GAB2: variants seen among roughly 807,000 people sequenced by gnomAD.
GAB2 encodes the protein GRB2-associated-binding protein 2.
A neutral mutation model predicts 65.5 loss-of-function variants in GAB2; 26 were observed. The ratio of observed to expected loss-of-function variants is 0.40; its 90% CI spans 0.29 to 0.55. The LOEUF (loss-of-function observed/expected upper bound fraction) is 0.55. Ranked by LOEUF, GAB2 falls within the 20% of genes least tolerant of loss-of-function variation. GAB2 has a pLI of 0.53. For missense variants in GAB2, 884 were observed against 875.8 expected (o/e 1.01, Z -0.12); for synonymous variants, 321 against 329.6 (o/e 0.97, Z 0.28).
chr11:78,342,943 A>G (rs1856122759), intron 1 of GAB2, among the ~76,000 whole-genome samples: 1 of 152,318 alleles, frequency 6.6e-6, no homozygotes, highest in South Asian at 2.1e-4. Context: ...TACAAATAAA[A>G]GAGGCCCAGA....
intron 1 of GAB2, among the ~76,000 whole-genome samples, chr11:78,393,857 T>C (rs1378143093): frequency 1.3e-5 from 2 of 152,236 alleles, no homozygotes; most frequent in Non-Finnish European, 2.9e-5. Flanking sequence ...TGTAAGAGAA[T>C]GTTGAATGTG....
rs190411339 is a variant in GAB2 at position 78,254,754 on chromosome 11, G to A, written c.377-4354C>T. 1.3e-4 allele frequency among the ~76,000 whole-genome samples: 20 copies of A among 151,680 alleles called. No individual in the cohort carries two copies. In the East Asian group the frequency reaches 3.5e-3, roughly 26 times the overall value. The stretch of plus-strand genomic sequence containing the variant: ...ATTGAGGCTGCAGTGGGCTATGATC[G>A]CGCCACTGCAATCAGCCAAGATGAC... On this transcript the variant is annotated intron_variant, in intron 2 of 9. Transcript: ENST00000361507.
At chr11:78,285,516 G>C (rs190611002) in intron 1 of GAB2, among the ~76,000 whole-genome samples, 1 of 152,168 alleles carries the variant, frequency 6.6e-6, no homozygotes, top group Non-Finnish European at 1.5e-5. Flanking sequence ...ACCCAGGCTG[G>C]TGTGCAGTGG....
intron 1 of GAB2, among the ~76,000 whole-genome samples, chr11:78,285,616 T>C (rs1866457883): frequency 6.6e-6 from 1 of 152,162 alleles, no homozygotes; most frequent in Non-Finnish European, 1.5e-5. Context: ...TACAGGCGTG[T>C]GCCACTATGC....
At chr11:78,283,704 A>G (rs916405293) in intron 1 of GAB2, among the ~76,000 whole-genome samples, 12 of 151,962 alleles carry the variant, frequency 7.9e-5, no homozygotes, top group Non-Finnish European at 1.5e-4. Context: ...TCTCTCTCCA[A>G]CATCTGACAA....
intron 3 of GAB2, among the ~76,000 whole-genome samples, chr11:78,239,869 T>C (rs1865080188): frequency 6.6e-6 from 1 of 152,130 alleles, no homozygotes; most frequent in Non-Finnish European, 1.5e-5. Flanking sequence ...CATCTTGGAA[T>C]TGGAACTATG....
At position 78,225,028 on chromosome 11, in the gene GAB2, G is replaced by T. The variant is rs1457895975; in HGVS notation, c.1302+80C>A. ...ATGGAGACGCCATCAATCTTTTGGG[G>T]TTGTGCTTTTAATTCCATAAGGTGT... On this transcript the variant is annotated intron_variant, in intron 5 of 9. Transcript: ENST00000361507. The T allele has an allele frequency of 1.2e-5, 10 of 846,460 alleles. No homozygotes were observed. In the East Asian group the frequency reaches 2.4e-4, roughly 21 times the overall value. 52.4% of individuals were successfully genotyped at this position (846,460 alleles called of 1,614,324 possible). A position where few individuals can be genotyped will look rare whatever the true frequency, so the allele number is the denominator to read the frequency against.
chr11:78,381,727 T>G (rs1458345058), intron 1 of GAB2, among the ~76,000 whole-genome samples: 1 of 152,098 alleles, frequency 6.6e-6, no homozygotes, highest in East Asian at 1.9e-4. Flanking sequence ...TTAAGCACAT[T>G]AAATGAGTTT....
At chr11:78,372,276 A>G (rs1014897419) in intron 1 of GAB2, among the ~76,000 whole-genome samples, 32 of 152,216 alleles carry the variant, frequency 2.1e-4, no homozygotes, top group African/African-American at 7.7e-4. Flanking sequence ...TGCCAAGGAT[A>G]CCCACTAGAA....
chr11:78,275,947 C>T (rs1005070130), intron 2 of GAB2, among the ~76,000 whole-genome samples: 3 of 151,838 alleles, frequency 2.0e-5, no homozygotes, highest in South Asian at 2.1e-4. Flanking sequence ...AACCCTGTCT[C>T]TATTAAAAAT....
At position 78,228,717 on chromosome 11, in the gene GAB2, C is replaced by G. The variant is rs572769278; in HGVS notation, c.621-1666G>C. Among the ~76,000 whole-genome samples the G allele has an allele frequency of 1.2e-4, 19 of 152,132 alleles. 1 individual carries two copies. The South Asian group carries it at 3.9e-3, about 32-fold the overall frequency. ...TTCACTGATGCTCCTCCTTGGGCCT[C>G]TGCACTCCTCCTCCCTTTCTGTTCC... On this transcript the variant is annotated intron_variant, in intron 3 of 9. Coordinates refer to ENST00000361507, the MANE Select transcript of GAB2 (RefSeq NM_080491.3).
intron 1 of GAB2, chr11:78,363,891 A>G (rs563007122): frequency 6.6e-6 from 1 of 152,188 alleles, no homozygotes; most frequent in East Asian, 1.9e-4. Context: ...GCTTAGAAAT[A>G]CATTTTCTTA....
intron 1 of GAB2, among the ~76,000 whole-genome samples, chr11:78,317,393 C>T (rs774035576): frequency 1.3e-5 from 2 of 151,986 alleles, no homozygotes; most frequent in African/African-American, 2.4e-5. Context: ...TACCCCATCT[C>T]TACTAAAAAT....
chr11:78,222,783 A>G (rs965238819), intron 6 of GAB2, among the ~76,000 whole-genome samples: 1 of 151,980 alleles, frequency 6.6e-6, no homozygotes, highest in Non-Finnish European at 1.5e-5. Flanking sequence ...GGGTTTCACT[A>G]TTTTGGCCAG....
intron 1 of GAB2, among the ~76,000 whole-genome samples, chr11:78,305,392 T>C (rs1333512939): frequency 1.3e-5 from 2 of 152,312 alleles, no homozygotes; most frequent in African/African-American, 2.4e-5. Flanking sequence ...ATAAAACTAA[T>C]ACAGAATGGA....
intron 2 of GAB2, among the ~76,000 whole-genome samples, chr11:78,266,283 G>A (rs938704262): frequency 2.0e-4 from 29 of 147,752 alleles, no homozygotes; most frequent in Non-Finnish European, 3.6e-4. Flanking sequence ...CTACTAATAC[G>A]GTGATCTAAA....
chr11:78,250,255 G>C lies in GAB2; in HGVS notation c.522C>G (p.Pro174=), dbSNP rs1439037136. The change falls in exon 3 of 10, where the codon CCC becomes CCG. Residue 174 remains proline (P), a synonymous_variant. Coordinates refer to ENST00000361507, the MANE Select transcript of GAB2 (RefSeq NM_080491.3). ...TGGGCTGCATGTGGTTTGACACAGGGGGTTCAAACGTGAACAGAGTTGGCT... is the reference window on the plus strand; with the variant it reads ...TGGGCTGCATGTGGTTTGACACAGGCGGTTCAAACGTGAACAGAGTTGGCT... The part of the protein sequence containing the change: ...SSQPTLFTFE[P]PVSNHMQPTL... 6.2e-7 allele frequency: 1 copy of C among 1,613,444 alleles called. No homozygotes were observed. The highest frequency in any genetic ancestry group is 1.1e-5 in the South Asian group (1 of 90,988).
intron 3 of GAB2, among the ~76,000 whole-genome samples, chr11:78,247,079 G>C (rs1865320058): frequency 6.6e-6 from 1 of 152,156 alleles, no homozygotes; most frequent in Admixed American, 6.5e-5. Context: ...TACTCAGAAA[G>C]ATGGGGTTTT....
intron 1 of GAB2, among the ~76,000 whole-genome samples, chr11:78,408,146 C>G (rs988968066): frequency 1.3e-5 from 2 of 152,100 alleles, no homozygotes; most frequent in African/African-American, 4.8e-5. Context: ...AATAGTCTTT[C>G]CTTCTGAGTT....
Sources: gnomAD v4.1 joint callset for allele counts (sites outside exome capture counted in the v4.1 genomes callset) on GRCh38, gnomAD v4.1.1 for gene constraint, MANE v1.5 for transcripts, NCBI Gene and HGNC (gene_info 2026-07-23, HGNC 2026-07-21) for gene names.